CFDP1: variants seen among roughly 807,000 people sequenced by gnomAD.
CFDP1 encodes the protein chromatin remodeling protein CFDP1, also known as heterochromatin-stabilizing protein CFDP1.
Under a neutral mutation model 40.1 loss-of-function variants are expected in CFDP1, and 31 were observed. The observed-to-expected ratio is 0.77, with a 90% CI of 0.58 to 1.04. The LOEUF is 1.04. Ranked by LOEUF, CFDP1 falls within the 50% of genes least tolerant of loss-of-function variation. The pLI is 0.00. For synonymous variants in CFDP1, 167 were observed against 120.0 expected (o/e 1.39, Z -2.56); for missense variants, 423 against 343.4 (o/e 1.23, Z -1.83).
intron 4 of CFDP1, among the ~76,000 whole-genome samples, chr16:75,395,634 G>C (rs2078990204): frequency 6.6e-6 from 1 of 151,962 alleles, no homozygotes; most frequent in Non-Finnish European, 1.5e-5. Flanking sequence ...ACTCCAGCCT[G>C]GGCAACAGCA....
At chr16:75,423,717 C>T (rs1046467539) in intron 1 of CFDP1, among the ~76,000 whole-genome samples, 8 of 152,044 alleles carry the variant, frequency 5.3e-5, no homozygotes, top group Admixed American at 1.3e-4. Context: ...GGTTTCACCA[C>T]GTTAGCCAGG....
chr16:75,358,952 T>C (rs2078664000), intron 5 of CFDP1, among the ~76,000 whole-genome samples: 1 of 152,202 alleles, frequency 6.6e-6, no homozygotes, highest in Non-Finnish European at 1.5e-5. Context: ...TCTGAAATGA[T>C]TAATGCATGC....
At chr16:75,395,645 C>T (rs569757419) in intron 4 of CFDP1, among the ~76,000 whole-genome samples, 1 of 152,062 alleles carries the variant, frequency 6.6e-6, no homozygotes, top group African/African-American at 2.4e-5. Flanking sequence ...GGCAACAGCA[C>T]GAGACACCGT....
At chr16:75,407,236 C>T (rs1365121266) in intron 4 of CFDP1, among the ~76,000 whole-genome samples, 2 of 152,068 alleles carry the variant, frequency 1.3e-5, no homozygotes, top group African/African-American at 2.4e-5. Flanking sequence ...AATCCTAGTA[C>T]TTCCAGGCAA....
intron 4 of CFDP1, among the ~76,000 whole-genome samples, chr16:75,406,292 T>C (rs1246533961): frequency 2.6e-5 from 4 of 151,556 alleles, no homozygotes; most frequent in Non-Finnish European, 5.9e-5. Context: ...TGAAAGGATT[T>C]CTTCAGCCTG....
At chr16:75,351,406 A>ATG (rs1041173999) in intron 5 of CFDP1, among the ~76,000 whole-genome samples, 4 of 152,220 alleles carry the variant, frequency 2.6e-5, no homozygotes, top group African/African-American at 9.6e-5. Flanking sequence ...GGGACAGGAA[A>ATG]TGTACTAAAG....
At chr16:75,302,696 GGACAGAGCTGC>G (rs2078229168) in intron 6 of CFDP1, among the ~76,000 whole-genome samples, 1 of 152,214 alleles carries the variant, frequency 6.6e-6, no homozygotes, top group African/African-American at 2.4e-5. Context: ...GTGGAGAACA[GGACAGAGCTGC>G]GAGTTACTGG....
At chr16:75,327,045 C>A (rs547294518) in intron 5 of CFDP1, among the ~76,000 whole-genome samples, 3 of 152,016 alleles carry the variant, frequency 2.0e-5, no homozygotes, top group African/African-American at 7.2e-5. Context: ...CCGAGGCGGG[C>A]GGATCATGAG....
intron 5 of CFDP1, chr16:75,379,924 G>C (rs564911752): frequency 9.9e-5 from 15 of 152,282 alleles, no homozygotes; most frequent in African/African-American, 3.6e-4. Context: ...TATCACTTGA[G>C]CCCAGGAGTT....
intron 4 of CFDP1, among the ~76,000 whole-genome samples, chr16:75,396,843 G>A (rs916528365): frequency 3.9e-5 from 6 of 152,058 alleles, no homozygotes; most frequent in African/African-American, 1.4e-4. Context: ...TTGTTTAAAT[G>A]CAGTCTATTA....
intron 1 of CFDP1, among the ~76,000 whole-genome samples, chr16:75,415,394 G>C (rs527640756): frequency 5.3e-5 from 8 of 152,194 alleles, no homozygotes; most frequent in Admixed American, 1.3e-4. Context: ...ATACCAAAAA[G>C]CACACAAATC....
chr16:75,336,774 C>A (rs976768029), intron 5 of CFDP1, among the ~76,000 whole-genome samples: 10 of 152,216 alleles, frequency 6.6e-5, no homozygotes, highest in Non-Finnish European at 1.5e-5. Context: ...GATAGCCACA[C>A]CCTTGTCAAA....
Position 75,394,945 on chromosome 16 carries a change from T to C in CFDP1, c.650+145A>G, listed in dbSNP as rs866403255. The C allele has an allele frequency of 1.2e-4, 127 of 1,025,030 alleles. No homozygotes were observed. In the Middle Eastern group the frequency reaches 3.5e-3, roughly 28 times the overall value. 63.5% of individuals were successfully genotyped at this position (1,025,030 alleles called of 1,614,324 possible). ...GCTAATTTTCCTTTGCATCTTCCATTCTGGTAAATATTGCAGCAAAGGCAA... is the reference window on the plus strand; with the variant it reads ...GCTAATTTTCCTTTGCATCTTCCATCCTGGTAAATATTGCAGCAAAGGCAA... On this transcript the variant is annotated intron_variant, in intron 5 of 6. Transcript: ENST00000283882.
intron 5 of CFDP1, among the ~76,000 whole-genome samples, chr16:75,360,394 A>C (rs1243841537): frequency 3.9e-5 from 6 of 152,274 alleles, no homozygotes; most frequent in Non-Finnish European, 8.8e-5. Flanking sequence ...GCCATTAGCC[A>C]ATCTATGACA....
intron 5 of CFDP1, among the ~76,000 whole-genome samples, chr16:75,353,370 T>C (rs2078625592): frequency 6.6e-6 from 1 of 152,226 alleles, no homozygotes; most frequent in Non-Finnish European, 1.5e-5. Flanking sequence ...TATTTTTAGA[T>C]ATATATCAAA....
chr16:75,429,117 G>C (rs180684137), intron 1 of CFDP1, among the ~76,000 whole-genome samples: 36 of 150,686 alleles, frequency 2.4e-4, no homozygotes, highest in Middle Eastern at 3.4e-3. Flanking sequence ...AGTCTGTCTC[G>C]AAAAAAAAGA....
chr16:75,299,170 A>G (rs1444960486), intron 6 of CFDP1, among the ~76,000 whole-genome samples: 2 of 152,166 alleles, frequency 1.3e-5, no homozygotes, highest in East Asian at 1.9e-4. Context: ...AAAAGCAGCA[A>G]TTCTTTGCTG....
At chr16:75,431,964 T>C (rs1008654053) in intron 1 of CFDP1, among the ~76,000 whole-genome samples, 5 of 143,954 alleles carry the variant, frequency 3.5e-5, no homozygotes, top group Non-Finnish European at 4.5e-5. Context: ...CAGGCTGGAG[T>C]GCAGTGGTGT....
intron 4 of CFDP1, among the ~76,000 whole-genome samples, chr16:75,402,779 G>A (rs2079066670): frequency 6.6e-6 from 1 of 152,034 alleles, no homozygotes; most frequent in Non-Finnish European, 1.5e-5. Context: ...CCCCTTATGA[G>A]AATTCCTTAT....
Sources: allele counts gnomAD v4.1 joint callset (sites outside exome capture counted in the v4.1 genomes callset), GRCh38; gene constraint gnomAD v4.1.1; transcripts MANE v1.5; gene names NCBI Gene and HGNC (gene_info 2026-07-23, HGNC 2026-07-21).